Variants in SPTBN1 observed in about 807,000 individuals in gnomAD.
The protein encoded by SPTBN1 is spectrin beta, non-erythrocytic 1.
In SPTBN1, 32 loss-of-function variants were observed where a neutral mutation model predicts 266.4. That is an observed-to-expected ratio of 0.12 (90% CI 0.09 to 0.16). The LOEUF (loss-of-function observed/expected upper bound fraction) is 0.16. SPTBN1 is among the 10% of genes least tolerant of loss of function. SPTBN1 has a pLI of 1.00. For missense variants in SPTBN1, 2,296 were observed against 3,067.1 expected (o/e 0.75, Z 5.94); for synonymous variants, 1,336 against 1,162.2 (o/e 1.15, Z -3.04).
At chr2:54,666,798 A>G (rs967711882) in intron 34 of SPTBN1, among the ~76,000 whole-genome samples, 2 of 152,180 alleles carry the variant, frequency 1.3e-5, no homozygotes, top group Non-Finnish European at 2.9e-5. Context: ...ATTTATTTGT[A>G]TGTTTCATGC....
intron 1 of SPTBN1, among the ~76,000 whole-genome samples, chr2:54,481,668 C>T (rs1041789763): frequency 1.3e-5 from 2 of 151,804 alleles, no homozygotes; most frequent in African/African-American, 4.8e-5. Flanking sequence ...GTTTAATGTC[C>T]CCAGTGAAAA....
At chr2:54,605,256 G>A (rs1024599328) in intron 3 of SPTBN1, among the ~76,000 whole-genome samples, 3 of 152,136 alleles carry the variant, frequency 2.0e-5, no homozygotes, top group African/African-American at 7.2e-5. Context: ...CACCAGATGG[G>A]AACCGAGTCC....
chr2:54,638,965 G>T (rs142267640), intron 18 of SPTBN1, among the ~76,000 whole-genome samples: 1 of 152,334 alleles, frequency 6.6e-6, no homozygotes, highest in African/African-American at 2.4e-5. Context: ...TGTAAATCTT[G>T]TAATATGCTC....
chr2:54,658,596 G>C (rs996531255), intron 30 of SPTBN1, among the ~76,000 whole-genome samples: 1 of 152,180 alleles, frequency 6.6e-6, no homozygotes, highest in African/African-American at 2.4e-5. Flanking sequence ...CTGGTTTCCA[G>C]TTCTGGGTGT....
At chr2:54,457,207 G>C (rs1472504520) in intron 1 of SPTBN1, 2 of 140,822 alleles carry the variant, frequency 1.4e-5, no homozygotes, top group African/African-American at 5.3e-5. Flanking sequence ...GGCGTGAGCC[G>C]CCTCCGGGCG....
chr2:54,593,830 T>TTTTTTTTC (rs1675852292), intron 2 of SPTBN1, among the ~76,000 whole-genome samples: 1 of 126,582 alleles, frequency 7.9e-6, no homozygotes, highest in Non-Finnish European at 1.7e-5. Context: ...ACACTTTTTT[T>TTTTTTTTC]TTTTTTTTTT....
intron 1 of SPTBN1, among the ~76,000 whole-genome samples, chr2:54,494,731 AG>A (rs1462951166): frequency 6.6e-6 from 1 of 152,182 alleles, no homozygotes; most frequent in East Asian, 1.9e-4. Context: ...GTGGAGAATA[AG>A]GGTAAGTGAG....
At chr2:54,531,118 G>C (rs1461286393) in intron 2 of SPTBN1, among the ~76,000 whole-genome samples, 1 of 152,114 alleles carries the variant, frequency 6.6e-6, no homozygotes, top group Non-Finnish European at 1.5e-5. Context: ...TAATAAATTG[G>C]TAAACATAAA....
intron 2 of SPTBN1, among the ~76,000 whole-genome samples, chr2:54,547,232 T>C (rs1458790068): frequency 6.6e-6 from 1 of 152,228 alleles, no homozygotes; most frequent in Non-Finnish European, 1.5e-5. Flanking sequence ...TTGTTTTTTT[T>C]CTAACTGGCT....
At chr2:54,498,954 T>C (rs1450064192) in intron 1 of SPTBN1, among the ~76,000 whole-genome samples, 1 of 112,386 alleles carries the variant, frequency 8.9e-6, no homozygotes, top group African/African-American at 4.1e-5. Context: ...GGTAAAGGTG[T>C]AGATGTAGAC....
intron 2 of SPTBN1, among the ~76,000 whole-genome samples, chr2:54,530,488 A>G (rs1671164071): frequency 1.4e-5 from 2 of 146,514 alleles, no homozygotes; most frequent in East Asian, 4.0e-4. Flanking sequence ...CCTCTCAAGT[A>G]GCTGGGACTA....
intron 2 of SPTBN1, chr2:54,529,743 A>G (rs748852732): frequency 4.5e-6 from 3 of 671,568 alleles, no homozygotes; most frequent in African/African-American, 3.6e-5. Flanking sequence ...AGATGAAGGC[A>G]TATGTTCCAC....
At chr2:54,516,205 C>T (rs1173484773) in intron 1 of SPTBN1, 1 of 152,190 alleles carries the variant, frequency 6.6e-6, no homozygotes, top group Non-Finnish European at 1.5e-5. Context: ...TTGGTTTCTT[C>T]ATTTTTTTCC....
At chr2:54,597,554 C>G (rs781340734) in intron 2 of SPTBN1, among the ~76,000 whole-genome samples, 1 of 152,180 alleles carries the variant, frequency 6.6e-6, no homozygotes, top group Admixed American at 6.5e-5. Context: ...CTCAAGGAGC[C>G]GCTGACTGTA....
intron 2 of SPTBN1, among the ~76,000 whole-genome samples, chr2:54,531,784 C>G (rs566268076): frequency 6.6e-6 from 1 of 152,034 alleles, no homozygotes; most frequent in African/African-American, 2.4e-5. Flanking sequence ...CATCGCCACC[C>G]CCAGCTCCTT....
chr2:54,656,085 T>C (rs1194770348), intron 29 of SPTBN1, 87 bp downstream of exon 29: 33 of 1,185,446 alleles, frequency 2.8e-5, no homozygotes, highest in South Asian at 2.8e-5. Context: ...ATTAATGTTA[T>C]CATTTAAAGA....
chr2:54,616,995 G>A (rs1677652260), intron 5 of SPTBN1, among the ~76,000 whole-genome samples: 1 of 152,168 alleles, frequency 6.6e-6, no homozygotes, highest in Non-Finnish European at 1.5e-5. Context: ...TCTATAAAGA[G>A]CTTATGGCCT....
At chr2:54,469,896 A>G (rs905530359) in intron 1 of SPTBN1, among the ~76,000 whole-genome samples, 34 of 152,210 alleles carry the variant, frequency 2.2e-4, no homozygotes, top group Non-Finnish European at 4.4e-5. Context: ...GAGTTGGGGA[A>G]GTGCCTCTAG....
At chr2:54,466,767 T>A (rs1448012774) in intron 1 of SPTBN1, among the ~76,000 whole-genome samples, 1 of 152,208 alleles carries the variant, frequency 6.6e-6, no homozygotes, top group Non-Finnish European at 1.5e-5. Flanking sequence ...CTAACACTTC[T>A]GACCAAACCT....
Sources: gnomAD v4.1 joint callset for allele counts (sites outside exome capture counted in the v4.1 genomes callset) on GRCh38, gnomAD v4.1.1 for gene constraint, MANE v1.5 for transcripts, NCBI Gene and HGNC (gene_info 2026-07-23, HGNC 2026-07-21) for gene names.